NFYC: variants seen among roughly 807,000 people sequenced by gnomAD.
NFYC encodes CAAT box DNA-binding protein subunit C.
In NFYC, 25 loss-of-function variants were observed where a neutral mutation model predicts 53.1. The observed-to-expected ratio is 0.47, with a 90% CI of 0.34 to 0.66. The LOEUF is 0.66. Ranked by LOEUF, NFYC falls within the 30% of genes least tolerant of loss-of-function variation. NFYC has a pLI of 0.01. For synonymous variants in NFYC, 145 were observed against 152.6 expected, an observed-to-expected ratio of 0.95 and a Z score of 0.37; for missense variants, 260 against 422.7, an observed-to-expected ratio of 0.62 and a Z score of 3.38.
chr1:40,738,125 A>G (rs1645151190), intron 1 of NFYC, among the ~76,000 whole-genome samples: 1 of 151,724 alleles, frequency 6.6e-6, no homozygotes, highest in South Asian at 2.1e-4. Context: ...GATGGTCTCG[A>G]TCTCCTGACC....
At chr1:40,701,420 C>G (rs572547416) in intron 1 of NFYC, among the ~76,000 whole-genome samples, 1 of 152,338 alleles carries the variant, frequency 6.6e-6, no homozygotes, top group Admixed American at 6.5e-5. Flanking sequence ...AACTCTACTT[C>G]TAGCTTCTTG....
intron 5 of NFYC, among the ~76,000 whole-genome samples, chr1:40,755,732 A>C (rs1002599406): frequency 1.3e-5 from 2 of 152,186 alleles, no homozygotes; most frequent in Non-Finnish European, 2.9e-5. Context: ...CTAACAACAC[A>C]AACCTAGGTG....
intron 1 of NFYC, among the ~76,000 whole-genome samples, chr1:40,733,578 A>T (rs1392004865): frequency 6.7e-6 from 1 of 150,258 alleles, no homozygotes; most frequent in East Asian, 2.0e-4. Flanking sequence ...TTATTATTAT[A>T]ATTTTTTTGA....
At position 40,758,108 on chromosome 1, in the gene NFYC, T is replaced by G. The variant is rs1375245879; in HGVS notation, c.388-13T>G. Reference sequence around the variant, plus strand: ...TTCTTTTCCTCTTACCTGCCTCTCTTTCCACCCAACAGGAGGAGGTGCGCC... The same window carrying G: ...TTCTTTTCCTCTTACCTGCCTCTCTGTCCACCCAACAGGAGGAGGTGCGCC... On this transcript the variant is annotated splice_polypyrimidine_tract_variant and intron_variant, in intron 5 of 9. Transcript: ENST00000447388. The G allele has an allele frequency of 1.9e-6, 3 of 1,611,722 alleles. No homozygotes were observed. Among genetic ancestry groups the G allele is most frequent in the Non-Finnish European group, 2.5e-6 (3 of 1,179,796 alleles).
chr1:40,729,395 A>G (rs566623657), intron 1 of NFYC, among the ~76,000 whole-genome samples: 1 of 152,242 alleles, frequency 6.6e-6, no homozygotes, highest in African/African-American at 2.4e-5. Context: ...AACCTCATGA[A>G]CCAACTTTTC....
At chr1:40,692,980 C>A (rs558706352) in intron 1 of NFYC, among the ~76,000 whole-genome samples, 38 of 152,128 alleles carry the variant, frequency 2.5e-4, no homozygotes, top group Non-Finnish European at 4.4e-4. Context: ...GTTTCCAAAG[C>A]CACATTAGCA....
chr1:40,766,920 G>A, intron 8 of NFYC: 1 of 1,552,154 alleles, frequency 6.4e-7, no homozygotes, highest in Non-Finnish European at 8.7e-7. Context: ...TTCTCAAGGG[G>A]CAAAGAAATG....
At chr1:40,749,483 C>T in intron 3 of NFYC, 90 bp from the exon 4 acceptor site, 2 of 985,540 alleles carry the variant, frequency 2.0e-6, no homozygotes, top group Non-Finnish European at 3.3e-6. Context: ...GACCCTTGCC[C>T]CATAGTCCCA....
In NFYC at chr1:40,770,684, ACT is replaced by A; in HGVS notation, c.889-19_889-18del. ...ATGCCCCTCTCCCAGGGATGACCTCACTCTCTCCTCTCCACCCCTCGCAGCAG... is the reference window on the plus strand; with the variant it reads ...ATGCCCCTCTCCCAGGGATGACCTCACTCTCCTCTCCACCCCTCGCAGCAG... On this transcript the variant is annotated intron_variant, in intron 9 of 9. Transcript: ENST00000447388. The surrounding 1 kb of genome is among the most constrained non-coding windows in gnomAD (Gnocchi z 5.3). The A allele has an allele frequency of 6.2e-7, 1 of 1,612,950 alleles. No homozygotes were observed. Among genetic ancestry groups the A allele is most frequent in the Non-Finnish European group, 8.5e-7 (1 of 1,179,704 alleles).
intron 1 of NFYC, among the ~76,000 whole-genome samples, chr1:40,725,449 TTTC>T (rs1287363027): frequency 2.0e-5 from 3 of 152,234 alleles, no homozygotes; most frequent in Non-Finnish European, 4.4e-5. Flanking sequence ...CAGTGCTGTT[TTTC>T]TTCTTGTGAA....
chr1:40,726,737 C>T (rs1447362569), intron 1 of NFYC, among the ~76,000 whole-genome samples: 2 of 152,186 alleles, frequency 1.3e-5, no homozygotes, highest in African/African-American at 4.8e-5. Context: ...TAAAATAAGG[C>T]AGCAGTGAAG....
intron 1 of NFYC, among the ~76,000 whole-genome samples, chr1:40,693,531 T>C (rs1642957420): frequency 6.6e-6 from 1 of 152,262 alleles, no homozygotes; most frequent in African/African-American, 2.4e-5. Flanking sequence ...CTACATTTTC[T>C]GGAGAAGGGA....
chr1:40,704,743 C>A (rs1643613011), intron 1 of NFYC, among the ~76,000 whole-genome samples: 1 of 152,166 alleles, frequency 6.6e-6, no homozygotes, highest in African/African-American at 2.4e-5. Flanking sequence ...GTCGGAGGGC[C>A]AGCTTTTGGA....
At chr1:40,762,775 A>T in intron 6 of NFYC, 113 bp from the exon 7 acceptor site, 1 of 958,130 alleles carries the variant, frequency 1.0e-6, no homozygotes, top group Non-Finnish European at 1.5e-6. Flanking sequence ...AGATGACCTT[A>T]GGCATTCATG....
chr1:40,713,649 A>G (rs1354217975), intron 1 of NFYC, among the ~76,000 whole-genome samples: 4 of 152,170 alleles, frequency 2.6e-5, no homozygotes, highest in African/African-American at 9.7e-5. Flanking sequence ...CCCTTCTTGT[A>G]AAGTGGGGAA....
intron 1 of NFYC, among the ~76,000 whole-genome samples, chr1:40,725,248 G>A (rs1178923386): frequency 6.6e-6 from 1 of 152,092 alleles, no homozygotes; most frequent in East Asian, 1.9e-4. Context: ...GCCTTCCCTT[G>A]TATTCATTCA....
At chr1:40,738,181 C>T (rs867828892) in intron 1 of NFYC, among the ~76,000 whole-genome samples, 11 of 152,154 alleles carry the variant, frequency 7.2e-5, no homozygotes, top group South Asian at 4.1e-4. Context: ...GGATTACAGG[C>T]GTGAGCCACC....
chr1:40,770,699 C>T lies in NFYC; in HGVS notation c.889-10C>T, dbSNP rs1647047566. 1 of 1,614,090 alleles carries T rather than the reference C, an allele frequency of 6.2e-7. No homozygotes were observed. The highest frequency in any genetic ancestry group is 8.5e-7 in the Non-Finnish European group (1 of 1,180,052). On this transcript the variant is annotated splice_polypyrimidine_tract_variant and intron_variant, in intron 9 of 9. Coordinates refer to ENST00000447388, the MANE Select transcript of NFYC (RefSeq NM_014223.5). The surrounding 1 kb of genome is among the most constrained non-coding windows in gnomAD (Gnocchi z 5.3). ...GGATGACCTCACTCTCTCCTCTCCACCCCTCGCAGCAGCTCTACCAGATCC... is the reference window on the plus strand; with the variant it reads ...GGATGACCTCACTCTCTCCTCTCCATCCCTCGCAGCAGCTCTACCAGATCC...
Position 40,762,903 on chromosome 1 carries a change from A to ATGCAGGTTGGAGAAGGTCAGCAGG in NFYC, c.583_606dup (p.Val195_Gln202dup), listed in dbSNP as rs768090092. 6.2e-7 allele frequency: 1 copy of ATGCAGGTTGGAGAAGGTCAGCAGG among 1,603,546 alleles called. No individual in the cohort carries two copies. On this transcript the variant is annotated inframe_insertion, in exon 7 of 10. Transcript: ENST00000447388. Reference sequence around the variant, plus strand: ...TTCCTTTCAGACCACACCTGTGACAATGCAGGTTGGAGAAGGTCAGCAGGT... The same window carrying ATGCAGGTTGGAGAAGGTCAGCAGG: ...TTCCTTTCAGACCACACCTGTGACAATGCAGGTTGGAGAAGGTCAGCAGGTGCAGGTTGGAGAAGGTCAGCAGGT...
Sources: gnomAD v4.1 joint callset for allele counts (sites outside exome capture counted in the v4.1 genomes callset) on GRCh38, gnomAD v4.1.1 for gene constraint, Gnocchi (gnomAD v3.1) non-coding constraint, MANE v1.5 for transcripts, NCBI Gene and HGNC (gene_info 2026-07-23, HGNC 2026-07-21) for gene names.